Variants in ETV6 observed in about 807,000 individuals in gnomAD.
The protein encoded by ETV6 is ETS variant transcription factor 6, also known as transcription factor ETV6.
In ETV6, 16 loss-of-function variants were observed where a neutral mutation model predicts 51.1. That is an observed-to-expected ratio of 0.31 (90% CI 0.21 to 0.48). The LOEUF is 0.48. ETV6 is among the 20% of genes least tolerant of loss of function. The pLI, the probability that ETV6 is intolerant of heterozygous loss-of-function variation, is 0.99. For synonymous variants in ETV6, 240 were observed against 224.1 expected (o/e 1.07, Z -0.64); for missense variants, 458 against 594.8 (o/e 0.77, Z 2.39).
At position 11,833,664 on chromosome 12, in the gene ETV6, A is replaced by C. The variant is rs544819687; in HGVS notation, c.164-5476A>C. On this transcript the variant is annotated intron_variant, in intron 2 of 7. Transcript: ENST00000396373. ...CTGTGTTCTAGTTTTCTCCTCCATA[A>C]ATGGGGATCATTCCTGTCTTACAGG... 1.1e-4 allele frequency among the ~76,000 whole-genome samples: 17 copies of C among 152,248 alleles called. 1 individual carries two copies. The highest frequency in any genetic ancestry group is 6.8e-3 in the Middle Eastern group (2 of 294).
chr12:11,887,962 A>G (rs1565569366), intron 7 of ETV6, among the ~76,000 whole-genome samples: 2 of 152,008 alleles, frequency 1.3e-5, no homozygotes, highest in East Asian at 3.9e-4. Flanking sequence ...TGGGAACTAC[A>G]TTTCCCAGAA....
intron 1 of ETV6, among the ~76,000 whole-genome samples, chr12:11,722,638 T>C (rs753126960): frequency 5.3e-5 from 8 of 152,190 alleles, no homozygotes; most frequent in Admixed American, 3.3e-4. Flanking sequence ...AAAGCCAAAC[T>C]GATTTCTCCT....
At chr12:11,805,621 G>A (rs1317074322) in intron 2 of ETV6, among the ~76,000 whole-genome samples, 2 of 152,174 alleles carry the variant, frequency 1.3e-5, no homozygotes, top group Non-Finnish European at 2.9e-5. Flanking sequence ...TCTGGGGAGG[G>A]GAACAGAGCC....
At chr12:11,666,990 G>A (rs1049386064) in intron 1 of ETV6, among the ~76,000 whole-genome samples, 17 of 152,224 alleles carry the variant, frequency 1.1e-4, no homozygotes, top group African/African-American at 4.1e-4. Context: ...GTTGAGAGTT[G>A]TTACGGGTGC....
At chr12:11,861,049 T>C (rs1275217353) in intron 4 of ETV6, among the ~76,000 whole-genome samples, 1 of 152,232 alleles carries the variant, frequency 6.6e-6, no homozygotes, top group Non-Finnish European at 1.5e-5. Context: ...GCATTTTATG[T>C]CCCCTTGCAG....
At chr12:11,772,492 G>A (rs1030848145) in intron 2 of ETV6, among the ~76,000 whole-genome samples, 6 of 152,108 alleles carry the variant, frequency 3.9e-5, no homozygotes, top group African/African-American at 1.2e-4. Context: ...ATGGGGTGAT[G>A]GTTTCTGTTG....
At chr12:11,798,407 C>G (rs1945706442) in intron 2 of ETV6, among the ~76,000 whole-genome samples, 1 of 152,082 alleles carries the variant, frequency 6.6e-6, no homozygotes, top group Admixed American at 6.5e-5. Flanking sequence ...GGTCATGCCC[C>G]AGTACTTACA....
At chr12:11,704,662 T>C (rs1395044402) in intron 1 of ETV6, among the ~76,000 whole-genome samples, 1 of 152,130 alleles carries the variant, frequency 6.6e-6, no homozygotes, top group Non-Finnish European at 1.5e-5. Flanking sequence ...CCCTTTCTTT[T>C]AAAAAATAAA....
Position 11,892,552 on chromosome 12 carries a change from T to C in ETV6, c.*1506T>C, listed in dbSNP as rs1947311479. The C allele has an allele frequency of 4.3e-6, 1 of 232,620 alleles. No homozygotes were observed. Among genetic ancestry groups the C allele is most frequent in the Non-Finnish European group, 8.5e-6 (1 of 117,838 alleles). The allele number at this position is 232,620 out of a possible 1,614,324, so 14.4% of individuals were successfully genotyped here. On this transcript the variant is annotated 3_prime_UTR_variant, in exon 8 of 8. Transcript: ENST00000396373. The stretch of plus-strand genomic sequence containing the variant: ...GCCATCTAAATTGACTCTTCCAATA[T>C]AGGTCTCAGAAATCCAATATTTGGA...
intron 2 of ETV6, among the ~76,000 whole-genome samples, chr12:11,775,410 T>C (rs1012174815): frequency 1.3e-5 from 2 of 152,164 alleles, no homozygotes; most frequent in Non-Finnish European, 2.9e-5. Context: ...AGTGCTGGGG[T>C]TAAACCATAA....
At chr12:11,698,105 C>T (rs1177185882) in intron 1 of ETV6, among the ~76,000 whole-genome samples, 4 of 152,170 alleles carry the variant, frequency 2.6e-5, no homozygotes. Context: ...TATGTTTTTA[C>T]CACTGACTCT....
At chr12:11,653,188 G>A (rs1308822047) in intron 1 of ETV6, among the ~76,000 whole-genome samples, 1 of 152,192 alleles carries the variant, frequency 6.6e-6, no homozygotes, top group Non-Finnish European at 1.5e-5. Flanking sequence ...TTTTAAAGAG[G>A]ATTGCCTGGC....
At chr12:11,863,530 T>C (rs1946746689) in intron 4 of ETV6, among the ~76,000 whole-genome samples, 1 of 152,196 alleles carries the variant, frequency 6.6e-6, no homozygotes, top group Non-Finnish European at 1.5e-5. Context: ...CTTCCTTGTA[T>C]ATTTCCCTTC....
intron 1 of ETV6, among the ~76,000 whole-genome samples, chr12:11,729,207 G>A (rs1358786020): frequency 6.6e-5 from 10 of 152,180 alleles, no homozygotes; most frequent in Non-Finnish European, 1.3e-4. Flanking sequence ...GGAAGGAACC[G>A]TTGCCAACTG....
intron 1 of ETV6, among the ~76,000 whole-genome samples, chr12:11,685,931 T>G (rs975768870): frequency 6.6e-6 from 1 of 152,222 alleles, no homozygotes; most frequent in Non-Finnish European, 1.5e-5. Context: ...TCGAAGACGT[T>G]ACATTTAGTC....
At chr12:11,701,823 GAA>G (rs1163469846) in intron 1 of ETV6, among the ~76,000 whole-genome samples, 1 of 152,200 alleles carries the variant, frequency 6.6e-6, no homozygotes, top group African/African-American at 2.4e-5. Flanking sequence ...GGAGAGGTAA[GAA>G]GAGTTCAAAG....
intron 1 of ETV6, among the ~76,000 whole-genome samples, chr12:11,742,804 T>TC (rs781717826): frequency 2.7e-5 from 1 of 36,446 alleles, no homozygotes; most frequent in Non-Finnish European, 8.6e-5. Context: ...TTTCTTTCTT[T>TC]CTTTTTTTTT....
chr12:11,829,856 A>T (rs1454922241), intron 2 of ETV6, among the ~76,000 whole-genome samples: 2 of 152,162 alleles, frequency 1.3e-5, no homozygotes, highest in Non-Finnish European at 2.9e-5. Flanking sequence ...AGAAATAGGA[A>T]ATGTTTTGGA....
chr12:11,674,779 G>T (rs573561095), intron 1 of ETV6, among the ~76,000 whole-genome samples: 4 of 152,040 alleles, frequency 2.6e-5, no homozygotes, highest in South Asian at 2.1e-4. Flanking sequence ...GTGAGAAGGG[G>T]CAGGGAGAGA....
Sources: allele counts gnomAD v4.1 joint callset (sites outside exome capture counted in the v4.1 genomes callset), GRCh38; gene constraint gnomAD v4.1.1; transcripts MANE v1.5; gene names NCBI Gene and HGNC (gene_info 2026-07-23, HGNC 2026-07-21).